Variants in EIF3A observed in about 807,000 individuals in gnomAD.
EIF3A encodes eukaryotic translation initiation factor 3 subunit A.
Under a neutral mutation model 186.6 loss-of-function variants are expected in EIF3A, and 21 were observed. The ratio of observed to expected loss-of-function variants is 0.11; its 90% CI spans 0.08 to 0.16. The LOEUF (loss-of-function observed/expected upper bound fraction) is 0.16, where lower values mean the gene tolerates loss of function less well. EIF3A is among the 10% of genes least tolerant of loss of function. The pLI is 1.00. For missense variants in EIF3A, 1,306 were observed against 1,796.3 expected (o/e 0.73, Z 4.93); for synonymous variants, 563 against 584.3 (o/e 0.96, Z 0.52).
chr10:119,067,211 T>C (rs1043527940), intron 6 of EIF3A, among the ~76,000 whole-genome samples: 6 of 149,154 alleles, frequency 4.0e-5, no homozygotes, highest in African/African-American at 1.3e-4. Flanking sequence ...AGCAAAATTC[T>C]GTCTCAAAAA....
chr10:119,042,539 T>C lies in EIF3A; in HGVS notation c.2981A>G (p.Asp994Gly), dbSNP rs1468871697. The change falls in exon 19 of 22, where the codon GAT (aspartate) becomes GGT (glycine). Residue 994 changes from aspartate (D) to glycine (G), a missense_variant. Around this residue, in one of 8 missense-constraint regions of EIF3A, gnomAD observed 410 missense variants for 473.5 expected, o/e 0.87. Coordinates refer to ENST00000369144, the MANE Select transcript of EIF3A (RefSeq NM_003750.4). This position sits in a 1 kb window ranked among gnomAD's most constrained non-coding sequence, Gnocchi z 7.8. ...DDRPSWRNTD[D>G]DRPPRRIADE... The stretch of plus-strand genomic sequence containing the variant: ...GGCAATTCGTCTGGGAGGCCTGTCA[T>C]CATCTGTGTTACGCCAGGAAGGCCG... The C allele has an allele frequency of 6.2e-7, 1 of 1,613,940 alleles. No individual in the cohort carries two copies. Among genetic ancestry groups the C allele is most frequent in the African/African-American group, 1.3e-5 (1 of 74,898 alleles).
chr10:119,074,286 TGAAACCCATCCCTACCAAAAATACAAAAA>T (rs1844121804), intron 1 of EIF3A, among the ~76,000 whole-genome samples: 1 of 151,762 alleles, frequency 6.6e-6, no homozygotes, highest in African/African-American at 2.4e-5. Flanking sequence ...GCCAATACGG[TGAAACCCATCCCTACCAAAAATACAAAAA>T]TTAGCCAGGC....
Position 119,056,725 on chromosome 10 carries a change from A to G in EIF3A, c.2196+15T>C, listed in dbSNP as rs1471089420. On this transcript the variant is annotated intron_variant, in intron 14 of 21. Transcript: ENST00000369144. Reference sequence around the variant, plus strand: ...ATTACAATCTAAAAATATTACAATTAAATAAAAAACTTACTCTTTCTTCCT... The same window carrying G: ...ATTACAATCTAAAAATATTACAATTGAATAAAAAACTTACTCTTTCTTCCT... The G allele has an allele frequency of 6.8e-7, 1 of 1,479,580 alleles. No homozygotes were observed. The highest frequency in any genetic ancestry group is 9.4e-7 in the Non-Finnish European group (1 of 1,062,632). 91.7% of individuals were successfully genotyped at this position (1,479,580 alleles called of 1,614,324 possible).
At chr10:119,037,430 A>C (rs968642231) in intron 20 of EIF3A, 121 bp from the exon 21 acceptor site, 1 of 845,486 alleles carries the variant, frequency 1.2e-6, no homozygotes. Flanking sequence ...TTAAACTCAT[A>C]ACCTGACCTT....
intron 12 of EIF3A, among the ~76,000 whole-genome samples, chr10:119,057,616 A>C (rs927281159): frequency 6.6e-6 from 1 of 152,092 alleles, no homozygotes; most frequent in Non-Finnish European, 1.5e-5. Flanking sequence ...CTCTACTAAA[A>C]ATACAAAAAT....
rs1844103505 is a variant in EIF3A, at chr10:119,073,042, C to T, written c.389G>A (p.Ser130Asn). 6.2e-7 allele frequency: 1 copy of T among 1,604,524 alleles called. No individual in the cohort carries two copies. Among genetic ancestry groups the T allele is most frequent in the Non-Finnish European group, 8.5e-7 (1 of 1,177,640 alleles). ...CTGAGTGTCTTCACCACTTACAGCACTTAGGAGAACACTACAAAGAAAAAA... is the reference window on the plus strand; with the variant it reads ...CTGAGTGTCTTCACCACTTACAGCATTTAGGAGAACACTACAAAGAAAAAA... ...NIQTPESVLL[S>N]AVSGEDTQDR... Residue 130 changes from serine to asparagine, a missense_variant, in exon 4 of 22, where the codon AGT becomes AAT. By Grantham distance (46) the Ser-to-Asn change is conservative. Around this residue, in one of 8 missense-constraint regions of EIF3A, gnomAD observed 130 missense variants for 259.3 expected, o/e 0.50. Coordinates refer to ENST00000369144, the MANE Select transcript of EIF3A (RefSeq NM_003750.4).
intron 14 of EIF3A, among the ~76,000 whole-genome samples, chr10:119,056,093 G>A (rs1386690088): frequency 6.6e-6 from 1 of 152,128 alleles, no homozygotes; most frequent in Non-Finnish European, 1.5e-5. Flanking sequence ...ACCGATGTTT[G>A]CCTCCTGCTT....
chr10:119,037,515 T>A (rs1198947217), intron 20 of EIF3A, among the ~76,000 whole-genome samples: 1 of 152,168 alleles, frequency 6.6e-6, no homozygotes, highest in Non-Finnish European at 1.5e-5. Flanking sequence ...CCACTACCCA[T>A]ATGTGGTTAC....
Position 119,080,703 on chromosome 10 carries a change from C to T in EIF3A, c.-27G>A. Reference sequence around the variant, plus strand: ...TTGGCGGCAGGCTCAGCTCACCCGGCGTCAGCGAACTCTCTAGTGGCCCGG... The same window carrying T: ...TTGGCGGCAGGCTCAGCTCACCCGGTGTCAGCGAACTCTCTAGTGGCCCGG... On this transcript the variant is annotated 5_prime_UTR_variant, in exon 1 of 22. Transcript: ENST00000369144. 1 of 1,580,452 alleles carries T rather than the reference C, an allele frequency of 6.3e-7. No individual in the cohort carries two copies. Among genetic ancestry groups the T allele is most frequent in the South Asian group, 1.2e-5 (1 of 86,360 alleles).
rs991012147 is a variant in EIF3A at position 119,034,176 on chromosome 10, G to A, written c.*1863C>T. 1 of 167,100 alleles carries A rather than the reference G, an allele frequency of 6.0e-6. No individual in the cohort carries two copies. Among genetic ancestry groups the A allele is most frequent in the Non-Finnish European group, 1.5e-5 (1 of 68,160 alleles). 10.4% of individuals were successfully genotyped at this position (167,100 alleles called of 1,614,324 possible). A position where few individuals can be genotyped will look rare whatever the true frequency, so the allele number is the denominator to read the frequency against. On this transcript the variant is annotated 3_prime_UTR_variant, in exon 22 of 22. Coordinates refer to ENST00000369144, the MANE Select transcript of EIF3A (RefSeq NM_003750.4). ...GACAGAGTTGTATGGCCTGGACAGT[G>A]GAAACCAAGAGCAGGATCGCAAAGT...
rs1255276164 is a variant in EIF3A at position 119,059,216 on chromosome 10, A to G, written c.1625T>C (p.Ile542Thr). ...TTTCCCCGGGAAGATGCATACCAGT[A>G]TATGAGCTGGTTTAATGACTTCAAG... is the stretch of plus-strand genomic sequence containing the variant. ...KALEVIKPAHILQEKEEQHQL... is the reference protein window; with the variant it reads ...KALEVIKPAHTLQEKEEQHQL... The change falls in exon 11 of 22, where the codon ATA (isoleucine) becomes ACA (threonine). Residue 542 changes from isoleucine to threonine, a missense_variant. Ile to Thr is a moderately conservative substitution (Grantham distance 89). This residue lies in a region of EIF3A where 44 missense variants were observed against 43.4 expected (regional missense o/e 1.01). Coordinates refer to ENST00000369144, the MANE Select transcript of EIF3A (RefSeq NM_003750.4). The G allele has an allele frequency of 5.0e-6, 8 of 1,613,446 alleles. No homozygotes were observed. Among genetic ancestry groups the G allele is most frequent in the African/African-American group, 1.3e-5 (1 of 74,928 alleles).
At position 119,049,826 on chromosome 10, in the gene EIF3A, A is replaced by C. The variant is rs781589940; in HGVS notation, c.2633T>G (p.Leu878Arg). ...RERRREEERR[L>R]GDSSLSRKDS... is the part of the protein sequence containing the mutation. ...CTTTCTAGAAAGGGAACTATCGCCA[A>C]GTCTTCTCTCTTCCTCTCTACGCCG... The change falls in exon 17 of 22, where the codon CTT becomes CGT. Residue 878 changes from leucine to arginine, a missense_variant. This residue lies in a region of EIF3A where 410 missense variants were observed against 473.5 expected (regional missense o/e 0.87). Transcript: ENST00000369144. The C allele has an allele frequency of 5.0e-5, 81 of 1,613,892 alleles. 1 individual carries two copies. The South Asian group carries it at 7.6e-4, about 15-fold the overall frequency.
chr10:119,080,795 C>T lies in EIF3A; in HGVS notation c.-119G>A. On this transcript the variant is annotated 5_prime_UTR_variant, in exon 1 of 22. Coordinates refer to ENST00000369144, the MANE Select transcript of EIF3A (RefSeq NM_003750.4). Reference sequence around the variant, plus strand: ...GCGCCTCGCCAGCAGTCGCCCGCGCCCAGCCGGCCAGAGACGGAAAGGAAG... The same window carrying T: ...GCGCCTCGCCAGCAGTCGCCCGCGCTCAGCCGGCCAGAGACGGAAAGGAAG... The T allele has an allele frequency of 2.1e-6, 3 of 1,434,778 alleles. No individual in the cohort carries two copies. The highest frequency in any genetic ancestry group is 2.8e-6 in the Non-Finnish European group (3 of 1,090,412). 88.9% of individuals were successfully genotyped at this position (1,434,778 alleles called of 1,614,324 possible).
At chr10:119,041,803 G>A (rs1005018589) in intron 19 of EIF3A, among the ~76,000 whole-genome samples, 191 bp downstream of exon 19, 1 of 152,152 alleles carries the variant, frequency 6.6e-6, no homozygotes. Flanking sequence ...GAGAGGGGTT[G>A]GGTTATTTAT....
intron 2 of EIF3A, 82 bp from the exon 3 acceptor site, chr10:119,073,659 A>C: frequency 1.3e-6 from 2 of 1,568,840 alleles, no homozygotes; most frequent in Non-Finnish European, 1.7e-6. Context: ...TTTTAAGAGA[A>C]ATACAATATA....
At chr10:119,047,340 G>C (rs1293407357) in intron 17 of EIF3A, among the ~76,000 whole-genome samples, 4 of 152,112 alleles carry the variant, frequency 2.6e-5, no homozygotes, top group African/African-American at 7.2e-5. Context: ...AGGGGTGCCA[G>C]GGACATAGAA....
intron 6 of EIF3A, among the ~76,000 whole-genome samples, chr10:119,067,627 C>A (rs111615609): frequency 0.016 from 2,450 of 152,210 alleles, 67 homozygotes; most frequent in African/African-American, 0.056. Context: ...AAAGCAAAGA[C>A]ATAGAGAACA....
intron 1 of EIF3A, among the ~76,000 whole-genome samples, chr10:119,075,651 C>CACAT (rs1554873585): frequency 1.0e-5 from 1 of 97,064 alleles, no homozygotes; most frequent in South Asian, 4.2e-4. Context: ...TATATATATA[C>CACAT]ATATATATAT....
At chr10:119,066,043 G>C (rs1411840006) in intron 6 of EIF3A, among the ~76,000 whole-genome samples, 2 of 151,984 alleles carry the variant, frequency 1.3e-5, no homozygotes, top group African/African-American at 4.8e-5. Context: ...ATGAACCCGG[G>C]AGGCGGAGCT....
Sources: gnomAD v4.1 joint callset for allele counts (sites outside exome capture counted in the v4.1 genomes callset) on GRCh38, gnomAD v4.1.1 for gene constraint, gnomAD v4.1.1 regional missense constraint, Gnocchi (gnomAD v3.1) non-coding constraint, MANE v1.5 for transcripts, NCBI Gene and HGNC (gene_info 2026-07-23, HGNC 2026-07-21) for gene names.